Variants in PKN2 observed in about 807,000 individuals in gnomAD.
The protein encoded by PKN2 is protein kinase N2.
In PKN2, 38 loss-of-function variants were observed where a neutral mutation model predicts 119.1. That is an observed-to-expected ratio of 0.32 (90% CI 0.25 to 0.42). PKN2 has a LOEUF of 0.42. PKN2 is among the 10% of genes least tolerant of loss of function. The pLI is 1.00. For missense variants in PKN2, 850 were observed against 1,165.1 expected (o/e 0.73, Z 3.94); for synonymous variants, 390 against 384.9 (o/e 1.01, Z -0.15).
At chr1:88,780,229 T>C (rs773823532) in intron 6 of PKN2, among the ~76,000 whole-genome samples, 1 of 152,204 alleles carries the variant, frequency 6.6e-6, no homozygotes, top group Non-Finnish European at 1.5e-5. Context: ...TTTCTTTTAG[T>C]TATATGTATT....
chr1:88,823,838 C>T (rs1252464048), intron 17 of PKN2, among the ~76,000 whole-genome samples: 3 of 151,414 alleles, frequency 2.0e-5, no homozygotes, highest in Non-Finnish European at 4.4e-5. Context: ...GTGAAACCGC[C>T]TCTCTAATAA....
intron 2 of PKN2, among the ~76,000 whole-genome samples, chr1:88,751,253 A>G (rs954686543): frequency 3.3e-5 from 5 of 152,002 alleles, no homozygotes; most frequent in African/African-American, 1.2e-4. Context: ...GTAAAATTCA[A>G]CTTTGCAGTA....
chr1:88,694,960 T>C (rs986341300), intron 1 of PKN2, among the ~76,000 whole-genome samples: 1 of 152,114 alleles, frequency 6.6e-6, no homozygotes, highest in Admixed American at 6.5e-5. Flanking sequence ...ACCCCGTCTG[T>C]ACTAAAAATA....
chr1:88,819,338 C>G (rs767975478), intron 16 of PKN2, among the ~76,000 whole-genome samples: 9 of 152,046 alleles, frequency 5.9e-5, no homozygotes, highest in Admixed American at 2.0e-4. Context: ...AGAAAAAAAA[C>G]AGCCCCATCA....
At chr1:88,757,573 A>C (rs904834690) in intron 2 of PKN2, among the ~76,000 whole-genome samples, 1 of 152,214 alleles carries the variant, frequency 6.6e-6, no homozygotes, top group African/African-American at 2.4e-5. Context: ...GGAACATTGA[A>C]GCACAAAGGT....
At chr1:88,804,598 A>G in intron 9 of PKN2, 64 bp downstream of exon 9, 1 of 1,462,764 alleles carries the variant, frequency 6.8e-7, no homozygotes, top group East Asian at 2.3e-5. Flanking sequence ...AGGCAGCATA[A>G]TATAGAAGTA....
chr1:88,816,086 G>A (rs1015931776), intron 16 of PKN2, among the ~76,000 whole-genome samples: 2 of 151,816 alleles, frequency 1.3e-5, no homozygotes, highest in South Asian at 2.1e-4. Context: ...GTTGCAGTGA[G>A]CCAAGATCAC....
chr1:88,697,906 A>G (rs886861214), intron 1 of PKN2, among the ~76,000 whole-genome samples: 1 of 152,156 alleles, frequency 6.6e-6, no homozygotes, highest in African/African-American at 2.4e-5. Flanking sequence ...AATATTTTCT[A>G]TCTCATGACA....
intron 6 of PKN2, among the ~76,000 whole-genome samples, chr1:88,781,866 T>C (rs1185389583): frequency 1.3e-5 from 2 of 152,098 alleles, no homozygotes; most frequent in Non-Finnish European, 2.9e-5. Context: ...AACACAAATT[T>C]TTTAACTCAA....
intron 1 of PKN2, among the ~76,000 whole-genome samples, chr1:88,731,072 A>C (rs758225681): frequency 1.3e-5 from 2 of 152,152 alleles, no homozygotes; most frequent in Non-Finnish European, 2.9e-5. Context: ...TAAATTGAAT[A>C]CCAGAAAGAA....
rs1055852369 is a variant in PKN2, at chr1:88,740,894, T to A, written c.49-94T>A. 4.2e-6 allele frequency: 3 copies of A among 721,516 alleles called. No homozygotes were observed. In the African/African-American group the frequency reaches 5.5e-5, roughly 13 times the overall value. The allele number at this position is 721,516 out of a possible 1,614,324, so 44.7% of individuals were successfully genotyped here. On this transcript the variant is annotated intron_variant, in intron 1 of 21. Transcript: ENST00000370521. ...TTAAATATAGTTAAATGTAATGTAA[T>A]CAAGAAAGACTCTCTTAGGCTGAAA...
intron 2 of PKN2, among the ~76,000 whole-genome samples, chr1:88,749,375 A>G (rs900290586): frequency 6.7e-6 from 1 of 149,462 alleles, no homozygotes; most frequent in Non-Finnish European, 1.5e-5. Flanking sequence ...ATTGCACTCC[A>G]GCCCGGCGAC....
chr1:88,727,175 CTTTTT>C (rs1221536358), intron 1 of PKN2, among the ~76,000 whole-genome samples: 1 of 137,674 alleles, frequency 7.3e-6, no homozygotes, highest in Non-Finnish European at 1.6e-5. Flanking sequence ...TAATGACGCT[CTTTTT>C]TTTTTTCATT....
intron 2 of PKN2, among the ~76,000 whole-genome samples, chr1:88,742,400 A>T (rs370168467): frequency 1.3e-5 from 2 of 152,264 alleles, no homozygotes; most frequent in Admixed American, 6.5e-5. Context: ...AACATCTGGG[A>T]TTTAGGGCTT....
At chr1:88,740,255 C>G (rs75862332) in intron 1 of PKN2, among the ~76,000 whole-genome samples, 1 of 152,012 alleles carries the variant, frequency 6.6e-6, no homozygotes, top group Middle Eastern at 3.2e-3. Context: ...ATATAGTTTT[C>G]CCAAGCCCTA....
chr1:88,715,584 G>T (rs1667414283), intron 1 of PKN2, among the ~76,000 whole-genome samples: 1 of 152,192 alleles, frequency 6.6e-6, no homozygotes, highest in Non-Finnish European at 1.5e-5. Flanking sequence ...TCTGATGGTA[G>T]TTTGTATTTC....
intron 7 of PKN2, among the ~76,000 whole-genome samples, chr1:88,785,120 A>G (rs1670518475): frequency 3.3e-5 from 5 of 152,172 alleles, no homozygotes; most frequent in Admixed American, 3.3e-4. Context: ...TCCTTCTTGT[A>G]GAATCGTATC....
At chr1:88,784,874 A>G (rs755879106) in intron 7 of PKN2, 50 bp downstream of exon 7, 1 of 1,140,512 alleles carries the variant, frequency 8.8e-7, no homozygotes, top group Non-Finnish European at 1.2e-6. Flanking sequence ...AAGTGCTTAT[A>G]CAAGGGATTT....
At chr1:88,807,945 C>G (rs1221351838) in intron 15 of PKN2, among the ~76,000 whole-genome samples, 170 bp downstream of exon 15, 1 of 151,956 alleles carries the variant, frequency 6.6e-6, no homozygotes, top group African/African-American at 2.4e-5. Flanking sequence ...TTTTTTGCCC[C>G]TTTTTACCCT....
Sources: gnomAD v4.1 joint callset for allele counts (sites outside exome capture counted in the v4.1 genomes callset) on GRCh38, gnomAD v4.1.1 for gene constraint, MANE v1.5 for transcripts, NCBI Gene and HGNC (gene_info 2026-07-23, HGNC 2026-07-21) for gene names.